The following NFIC variants were observed in gnomAD, a reference collection of about 807,000 sequenced individuals.
NFIC encodes the protein nuclear factor 1 C-type.
In NFIC, 12 loss-of-function variants were observed where a neutral mutation model predicts 54.4. The observed-to-expected ratio is 0.22, with a 90% confidence interval of 0.14 to 0.36. The LOEUF (loss-of-function observed/expected upper bound fraction) is 0.36. NFIC is among the 10% of genes least tolerant of loss of function. The pLI, the probability that NFIC is intolerant of heterozygous loss-of-function variation, is 1.00. For missense variants in NFIC, 575 were observed against 718.2 expected, an observed-to-expected ratio of 0.80 and a Z score of 2.28; for synonymous variants, 322 against 319.2, an observed-to-expected ratio of 1.01 and a Z score of -0.09.
chr19:3,384,402 T>C lies in NFIC; in HGVS notation c.562+2159T>C, dbSNP rs957538272. ...CAGTCTTTTTTTTTTTTCTTTCTTT[T>C]TTTGGAGATGGAGTTTCGCCCTGTT... is the stretch of plus-strand genomic sequence containing the variant. On this transcript the variant is annotated intron_variant, in intron 2 of 10. Coordinates refer to ENST00000443272, the MANE Select transcript of NFIC (RefSeq NM_001245002.2). 3.3e-5 allele frequency among the ~76,000 whole-genome samples: 5 copies of C among 151,810 alleles called. No individual in the cohort carries two copies. The South Asian group carries it at 6.3e-4, about 19-fold the overall frequency.
rs2082713017 is a variant in NFIC at position 3,465,977 on chromosome 19, T to C, written c.*3208T>C. The C allele has an allele frequency of 6.6e-6, 1 of 152,284 alleles. No homozygotes were observed. Among genetic ancestry groups the C allele is most frequent in the African/African-American group, 2.4e-5 (1 of 41,434 alleles). The allele number at this position is 152,284 out of a possible 1,614,324, so 9.4% of individuals were successfully genotyped here. ...TGGCATTCTCTCCCACCTTCTCCTT[T>C]GTCCCCCATCCCCTGTCTCTGTCTT... On this transcript the variant is annotated 3_prime_UTR_variant, in exon 11 of 11. Coordinates refer to ENST00000443272, the MANE Select transcript of NFIC (RefSeq NM_001245002.2).
chr19:3,426,386 G>C (rs961332557), intron 3 of NFIC, among the ~76,000 whole-genome samples: 1 of 152,048 alleles, frequency 6.6e-6, no homozygotes, highest in African/African-American at 2.4e-5. Flanking sequence ...GCCCTCATGG[G>C]GCGTCTAATA....
At chr19:3,393,731 C>G (rs950283600) in intron 2 of NFIC, among the ~76,000 whole-genome samples, 3 of 146,910 alleles carry the variant, frequency 2.0e-5, no homozygotes, top group African/African-American at 7.5e-5. Flanking sequence ...ACAGGAGAAT[C>G]GCTTAAACCC....
rs2082474390 is a variant in NFIC, at chr19:3,452,138, G to T, written c.1085-344G>T. Among the ~76,000 whole-genome samples, 2 of 151,572 alleles carry T rather than the reference G, an allele frequency of 1.3e-5. No individual in the cohort carries two copies. Among genetic ancestry groups the T allele is most frequent in the Admixed American group, 1.3e-4 (2 of 15,198 alleles). On this transcript the variant is annotated intron_variant, in intron 7 of 10. Transcript: ENST00000443272. This position sits in a 1 kb window ranked among gnomAD's most constrained non-coding sequence, Gnocchi z 5.3. ...AAAAAAAAAAAGACCAGGCTCAGTGGGTTACACCTGTAATCCCCGCACTTT... is the reference window on the plus strand; with the variant it reads ...AAAAAAAAAAAGACCAGGCTCAGTGTGTTACACCTGTAATCCCCGCACTTT...
At chr19:3,361,175 GC>G (rs1440126556) in intron 1 of NFIC, among the ~76,000 whole-genome samples, 9 of 152,188 alleles carry the variant, frequency 5.9e-5, no homozygotes, top group Non-Finnish European at 1.2e-4. Context: ...GCGCCGGGAC[GC>G]GATCACTCGG....
chr19:3,388,084 C>A (rs917227516), intron 2 of NFIC, among the ~76,000 whole-genome samples: 1 of 152,166 alleles, frequency 6.6e-6, no homozygotes, highest in African/African-American at 2.4e-5. Flanking sequence ...CTGACGCCGC[C>A]ATGGGCCAGC....
intron 2 of NFIC, among the ~76,000 whole-genome samples, chr19:3,416,260 T>C (rs2081852470): frequency 6.7e-6 from 1 of 150,040 alleles, no homozygotes; most frequent in South Asian, 2.1e-4. Flanking sequence ...TTTAATAGCA[T>C]AGGTATATTT....
intron 2 of NFIC, among the ~76,000 whole-genome samples, chr19:3,404,615 G>A (rs923229414): frequency 2.2e-4 from 34 of 152,134 alleles, no homozygotes; most frequent in Non-Finnish European, 4.1e-4. Flanking sequence ...CACCCAGGAG[G>A]GCAGGGCCGG....
chr19:3,404,404 G>C (rs997264580), intron 2 of NFIC, among the ~76,000 whole-genome samples: 5 of 152,146 alleles, frequency 3.3e-5, no homozygotes, highest in Non-Finnish European at 7.4e-5. Context: ...CCGAGTGGCA[G>C]ATAATGGGGA....
chr19:3,421,954 A>G (rs981104108), intron 2 of NFIC, among the ~76,000 whole-genome samples: 1 of 151,368 alleles, frequency 6.6e-6, no homozygotes, highest in Non-Finnish European at 1.5e-5. Context: ...TTTTGTTGAG[A>G]TGGAGTTTTG....
chr19:3,429,251 TATACACACAC>T (rs1370508504), intron 3 of NFIC, among the ~76,000 whole-genome samples: 5 of 27,586 alleles, frequency 1.8e-4, no homozygotes, highest in South Asian at 1.2e-3. Context: ...AAAAAAAATA[TATACACACAC>T]ACACACACAC....
chr19:3,389,478 G>T (rs150341552), intron 2 of NFIC, among the ~76,000 whole-genome samples: 1 of 152,134 alleles, frequency 6.6e-6, no homozygotes, highest in African/African-American at 2.4e-5. Context: ...GCTGCACTGG[G>T]GAGACAGGCC....
chr19:3,416,833 T>A (rs1265691336), intron 2 of NFIC, among the ~76,000 whole-genome samples: 1 of 149,582 alleles, frequency 6.7e-6, no homozygotes, highest in Non-Finnish European at 1.5e-5. Context: ...TACATTTTTT[T>A]AAAAACACAA....
intron 1 of NFIC, 87 bp downstream of exon 1, chr19:3,366,753 A>C: frequency 4.2e-6 from 4 of 957,198 alleles, no homozygotes; most frequent in Non-Finnish European, 5.6e-6. Flanking sequence ...AGGCGGGACG[A>C]AAAAGGCGCG....
At chr19:3,446,193 C>T (rs1286552660) in intron 6 of NFIC, among the ~76,000 whole-genome samples, 1 of 152,232 alleles carries the variant, frequency 6.6e-6, no homozygotes, top group Non-Finnish European at 1.5e-5. Flanking sequence ...CTGGGATTCA[C>T]CTCCTCTCTC....
chr19:3,389,004 C>G (rs2081340527), intron 2 of NFIC, among the ~76,000 whole-genome samples: 1 of 152,054 alleles, frequency 6.6e-6, no homozygotes, highest in Admixed American at 6.6e-5. Flanking sequence ...GACCCTGTCT[C>G]CAATAAAAGG....
intron 6 of NFIC, among the ~76,000 whole-genome samples, chr19:3,437,183 C>G (rs1366633433): frequency 6.6e-6 from 1 of 151,980 alleles, no homozygotes; most frequent in East Asian, 1.9e-4. Flanking sequence ...CCGGCTAACA[C>G]AGTGAAACCC....
chr19:3,365,533 A>G (rs2080868947), upstream of NFIC, among the ~76,000 whole-genome samples: 1 of 152,180 alleles, frequency 6.6e-6, no homozygotes, highest in Non-Finnish European at 1.5e-5. Flanking sequence ...AGACGGAGGC[A>G]GGCCAGGTCT....
At chr19:3,405,199 G>A (rs1174680240) in intron 2 of NFIC, among the ~76,000 whole-genome samples, 2 of 152,252 alleles carry the variant, frequency 1.3e-5, no homozygotes, top group Non-Finnish European at 1.5e-5. Flanking sequence ...AAGGAACGCA[G>A]GAAGGACGAG....
Sources: allele counts gnomAD v4.1 joint callset (sites outside exome capture counted in the v4.1 genomes callset), GRCh38; gene constraint gnomAD v4.1.1; non-coding constraint Gnocchi (gnomAD v3.1); transcripts MANE v1.5; gene names NCBI Gene and HGNC (gene_info 2026-07-23, HGNC 2026-07-21).